Variants in RBM41 observed in about 807,000 individuals in gnomAD.
RBM41 encodes RNA-binding protein 41.
RBM41 carries 14 observed loss-of-function variants against 30.8 expected under a neutral mutation model. That is an observed-to-expected ratio of 0.45 (90% confidence interval 0.30 to 0.71). The LOEUF (loss-of-function observed/expected upper bound fraction) is 0.71, where lower values mean the gene tolerates loss of function less well. Ranked by LOEUF, RBM41 falls within the 30% of genes least tolerant of loss-of-function variation. The pLI is 0.08. For synonymous variants in RBM41, 120 were observed against 110.1 expected (o/e 1.09, Z -0.56); for missense variants, 276 against 326.3 (o/e 0.85, Z 1.19).
chrX:107,072,510 A>C (rs1936100597), intron 6 of RBM41, among the ~76,000 whole-genome samples: 1 of 112,080 alleles, frequency 8.9e-6, no homozygotes, highest in East Asian at 2.8e-4. Context: ...AGAGGATACA[A>C]ACAGAAAGAT....
At chrX:107,056,190 CA>C in the RBM41 span, among the ~76,000 whole-genome samples, 1 of 111,721 alleles carries the variant, frequency 9.0e-6, no homozygotes, top group Non-Finnish European at 1.9e-5. Context: ...TAACTTATTA[CA>C]TTGATTGATT....
chrX:107,076,364 T>TAAATAAATAAAA (rs1169514539), intron 6 of RBM41, among the ~76,000 whole-genome samples: 6 of 103,896 alleles, frequency 5.8e-5, no homozygotes, highest in Middle Eastern at 5.0e-3. Flanking sequence ...AATAAATAAA[T>TAAATAAATAAAA]AAAATACAAT....
chrX:107,052,774 G>A, the RBM41 span, among the ~76,000 whole-genome samples: 1 of 111,700 alleles, frequency 9.0e-6, no homozygotes, highest in Non-Finnish European at 1.9e-5. Flanking sequence ...AGCTGCTAGA[G>A]GTCCTAAGAA....
intron 5 of RBM41, among the ~76,000 whole-genome samples, chrX:107,096,362 A>G (rs1454841060): frequency 8.9e-6 from 1 of 112,410 alleles, no homozygotes; most frequent in Admixed American, 9.4e-5. Context: ...ACCCAATTTC[A>G]AAACTTACTA....
At chrX:107,069,584 A>G (rs1483813990) in intron 6 of RBM41, 182 bp from the exon 7 acceptor site, 9 of 382,925 alleles carry the variant, frequency 2.4e-5, no homozygotes, top group Non-Finnish European at 4.2e-6. Flanking sequence ...CCTCCCGAGT[A>G]GCTGGGATTA....
intron 5 of RBM41, among the ~76,000 whole-genome samples, chrX:107,097,939 G>A (rs1412466042): frequency 5.4e-5 from 6 of 111,215 alleles, no homozygotes; most frequent in South Asian, 7.7e-4. Flanking sequence ...ATTTTGCCCC[G>A]GGTGATGGAA....
chrX:107,116,446 A>G (rs1301807026), intron 2 of RBM41, among the ~76,000 whole-genome samples: 1 of 112,136 alleles, frequency 8.9e-6, no homozygotes, highest in African/African-American at 3.2e-5. Context: ...GTAGGAGGAC[A>G]TAAAATAGGT....
intron 6 of RBM41, chrX:107,070,394 T>C (rs994589582): frequency 2.5e-5 from 8 of 325,096 alleles, no homozygotes; most frequent in Non-Finnish European, 4.2e-5. Context: ...AAGAAAGATT[T>C]TGGAAGTCTT....
chrX:107,090,774 GTTTTA>G (rs909708378), intron 5 of RBM41, among the ~76,000 whole-genome samples: 23 of 110,974 alleles, frequency 2.1e-4, no homozygotes, highest in African/African-American at 5.9e-4. Flanking sequence ...CACTAGAATG[GTTTTA>G]TTTTATTTTA....
chrX:107,094,986 T>C (rs953528313), intron 5 of RBM41, among the ~76,000 whole-genome samples: 1 of 110,375 alleles, frequency 9.1e-6, no homozygotes, highest in Admixed American at 9.7e-5. Context: ...CATAGGAAAG[T>C]AATACACTGC....
At chrX:107,115,264 C>T in intron 4 of RBM41, 88 bp downstream of exon 4, 1 of 979,644 alleles carries the variant, frequency 1.0e-6, no homozygotes, top group Non-Finnish European at 1.4e-6. Context: ...TTCCCCTATT[C>T]CCTTCACTAA....
chrX:107,115,256 C>T, intron 4 of RBM41, 96 bp downstream of exon 4: 1 of 922,050 alleles, frequency 1.1e-6, no homozygotes, highest in East Asian at 3.1e-5. Flanking sequence ...ATTTGTCTTT[C>T]CCCTATTCCC....
rs1472449918 is a variant in RBM41, at chrX:107,115,566, G to C, written c.319-10C>G. 1 of 1,189,160 alleles carries C rather than the reference G, an allele frequency of 8.4e-7. No homozygotes were observed. Among genetic ancestry groups the C allele is most frequent in the African/African-American group, 1.8e-5 (1 of 56,634 alleles). Reference sequence around the variant, plus strand: ...CCCTCAGTTTTGTCTTCTGAAACCAGAGGAATGAGATGGCATGTATCATAG... The same window carrying C: ...CCCTCAGTTTTGTCTTCTGAAACCACAGGAATGAGATGGCATGTATCATAG... On this transcript the variant is annotated splice_polypyrimidine_tract_variant and intron_variant, in intron 3 of 7. Transcript: ENST00000685964.
chrX:107,116,795 A>G, intron 1 of RBM41, 29 bp from the exon 2 acceptor site: 1 of 1,166,709 alleles, frequency 8.6e-7, no homozygotes, highest in Non-Finnish European at 1.2e-6. Context: ...TATATACAGA[A>G]AACGGAAGAG....
intron 6 of RBM41, among the ~76,000 whole-genome samples, chrX:107,087,376 T>A (rs910286193): frequency 2.7e-5 from 3 of 109,095 alleles, no homozygotes; most frequent in African/African-American, 3.5e-5. Flanking sequence ...ATATCCCTCA[T>A]CTAGAATGAT....
chrX:107,084,939 G>C (rs1055254120), intron 6 of RBM41, among the ~76,000 whole-genome samples: 2 of 112,034 alleles, frequency 1.8e-5, no homozygotes, highest in Non-Finnish European at 3.8e-5. Context: ...ATGTTTGTGA[G>C]TTTCATCCAA....
intron 6 of RBM41, among the ~76,000 whole-genome samples, chrX:107,087,904 G>C (rs1447333294): frequency 8.9e-6 from 1 of 112,329 alleles, no homozygotes; most frequent in African/African-American, 3.2e-5. Flanking sequence ...ACCTGGCCTT[G>C]TTGGACAATT....
intron 5 of RBM41, among the ~76,000 whole-genome samples, chrX:107,093,053 A>G (rs1482090712): frequency 8.9e-6 from 1 of 112,168 alleles, no homozygotes; most frequent in East Asian, 2.8e-4. Context: ...TTTCAGCTAC[A>G]TATGTCCAAG....
In RBM41 at chrX:107,079,929, C is replaced by T. The variant is rs1025360790; in HGVS notation, c.999+8507G>A. 5.4e-5 allele frequency among the ~76,000 whole-genome samples: 6 copies of T among 111,737 alleles called. No homozygotes were observed. The East Asian group carries it at 1.4e-3, about 26-fold the overall frequency. On this transcript the variant is annotated intron_variant, in intron 6 of 7. Coordinates refer to ENST00000685964, the MANE Select transcript of RBM41 (RefSeq NM_001324242.2). ...AGCTATTAATATATATCTAAAGTTC[C>T]TCTATGTCTTTTTGTGGCTGGACAT...
Sources: gnomAD v4.1 joint callset for allele counts (sites outside exome capture counted in the v4.1 genomes callset) on GRCh38, gnomAD v4.1.1 for gene constraint, MANE v1.5 for transcripts, NCBI Gene and HGNC (gene_info 2026-07-23, HGNC 2026-07-21) for gene names.